The following NODAL variants were observed in gnomAD, a reference collection of about 807,000 sequenced individuals.
NODAL encodes nodal homolog.
In NODAL, 12 loss-of-function variants were observed where a neutral mutation model predicts 34.0. The observed-to-expected ratio is 0.35, with a 90% CI of 0.23 to 0.57. The LOEUF (loss-of-function observed/expected upper bound fraction) is 0.57. NODAL is among the 20% of genes least tolerant of loss of function. The probability of loss-of-function intolerance (pLI) is 0.83; values close to 1 mark genes in which losing one functional copy is unlikely to be tolerated. For missense variants in NODAL, 390 were observed against 444.2 expected, an observed-to-expected ratio of 0.88 and a Z score of 1.10; for synonymous variants, 162 against 186.4, an observed-to-expected ratio of 0.87 and a Z score of 1.07.
At chr10:70,443,673 C>T (rs536339715), upstream of NODAL, among the ~76,000 whole-genome samples, 10 of 152,094 alleles carry the variant, frequency 6.6e-5, no homozygotes, top group East Asian at 1.6e-3. Context: ...AACCCTGTCT[C>T]TACCAAAAAT....
chr10:70,437,451 A>G (rs1845371313), intron 1 of NODAL, among the ~76,000 whole-genome samples: 1 of 152,182 alleles, frequency 6.6e-6, no homozygotes, highest in Non-Finnish European at 1.5e-5. Context: ...CAACAAAAAC[A>G]ACAACAAACA....
upstream of NODAL, among the ~76,000 whole-genome samples, chr10:70,445,402 C>T (rs1371938303): frequency 1.3e-5 from 2 of 152,140 alleles, no homozygotes; most frequent in Non-Finnish European, 1.5e-5. Flanking sequence ...GGACTACAGG[C>T]GCCCCCCACC....
chr10:70,433,490 C>G (rs537367620), intron 2 of NODAL, among the ~76,000 whole-genome samples: 3 of 152,184 alleles, frequency 2.0e-5, no homozygotes, highest in Non-Finnish European at 4.4e-5. Flanking sequence ...TCACAGCTCA[C>G]TGCATCCTCA....
At chr10:70,444,395 T>G (rs1175267976), upstream of NODAL, among the ~76,000 whole-genome samples, 1 of 150,996 alleles carries the variant, frequency 6.6e-6, no homozygotes, top group Non-Finnish European at 1.5e-5. Flanking sequence ...AGTTACACAA[T>G]CTCGGTTCAT....
At chr10:70,438,097 C>T (rs993477423) in intron 1 of NODAL, among the ~76,000 whole-genome samples, 14 of 152,120 alleles carry the variant, frequency 9.2e-5, no homozygotes, top group Admixed American at 3.3e-4. Context: ...CGAGACCAGC[C>T]TGATCAACAT....
At position 70,441,515 on chromosome 10, in the gene NODAL, C is replaced by T; in HGVS notation, c.153G>A (p.Pro51=). ...TGCGGATGATGTCTGCCCTCGGCAG[C>T]GGGTCGCGGTAGAGGCTCAGCATGT... ...LAYMLSLYRD[P]LPRADIIRSL... is the part of the protein sequence containing the mutation. The change falls in exon 1 of 3, where the codon CCG becomes CCA. Residue 51 remains proline, a synonymous_variant. Transcript: ENST00000287139. 6.3e-7 allele frequency: 1 copy of T among 1,594,676 alleles called. No individual in the cohort carries two copies. Among genetic ancestry groups the T allele is most frequent in the South Asian group, 1.1e-5 (1 of 88,234 alleles).
At chr10:70,435,235 C>A (rs1178612062) in intron 2 of NODAL, 51 bp downstream of exon 2, 3 of 1,477,406 alleles carry the variant, frequency 2.0e-6, no homozygotes, top group Admixed American at 3.9e-5. Flanking sequence ...AGAGCCCTGT[C>A]CCCCAAGGCC....
rs1845336348 is a variant in NODAL, at chr10:70,435,556, C to T, written c.621G>A (p.Leu207=). Residue 207 remains leucine, a synonymous_variant, in exon 2 of 3, where the codon CTG becomes CTA. Coordinates refer to ENST00000287139, the MANE Select transcript of NODAL (RefSeq NM_018055.5). The part of the protein sequence containing the change: ...YSNLSQEQRQ[L]GGSTLLWEAE... The stretch of plus-strand genomic sequence containing the variant: ...CTTCCCACAGCAAGGTGGACCCACC[C>T]AGCTGCCTCTGCTCCTGCGAGAGGT... 1 of 1,614,006 alleles carries T rather than the reference C, an allele frequency of 6.2e-7. No individual in the cohort carries two copies. The highest frequency in any genetic ancestry group is 1.7e-5 in the Admixed American group (1 of 60,004).
At chr10:70,434,749 A>T (rs1458505837) in intron 2 of NODAL, 1 of 161,960 alleles carries the variant, frequency 6.2e-6, no homozygotes, top group African/African-American at 2.4e-5. Context: ...GTGGCCCCAT[A>T]ATGCAGCCAA....
chr10:70,447,469 T>TA (rs1425245862), intron 1 of NODAL, among the ~76,000 whole-genome samples: 2 of 152,044 alleles, frequency 1.3e-5, no homozygotes, highest in Non-Finnish European at 2.9e-5. Flanking sequence ...AAGGATCGAT[T>TA]GAGACCAGGA....
intron 1 of NODAL, among the ~76,000 whole-genome samples, chr10:70,437,043 C>A (rs1845365659): frequency 6.6e-6 from 1 of 152,196 alleles, no homozygotes; most frequent in Admixed American, 6.6e-5. Flanking sequence ...GACAACCAAA[C>A]CCAAGCTGGA....
At chr10:70,436,187 A>T (rs1845351436) in intron 1 of NODAL, 1 of 615,232 alleles carries the variant, frequency 1.6e-6, no homozygotes, top group Non-Finnish European at 2.9e-6. Flanking sequence ...TGGTTAAAAG[A>T]TCTGACCAAG....
rs776625558 is a variant in NODAL, at chr10:70,441,575, C to T, written c.93G>A (p.Thr31=). ...AATVATALLR[T]RGQPSSPSPL... ...GGGATGGCGACGAGGGCTGCCCCCG[C>T]GTACGCAGGAGCGCAGTGGCCACCG... Residue 31 remains threonine (T), a synonymous_variant, in exon 1 of 3, where the codon ACG becomes ACA. Transcript: ENST00000287139. The T allele has an allele frequency of 6.4e-7, 1 of 1,571,378 alleles. No individual in the cohort carries two copies. The highest frequency in any genetic ancestry group is 8.6e-7 in the Non-Finnish European group (1 of 1,160,158).
intron 1 of NODAL, among the ~76,000 whole-genome samples, chr10:70,439,956 C>A (rs929453862): frequency 6.6e-6 from 1 of 152,224 alleles, no homozygotes; most frequent in Admixed American, 6.5e-5. Flanking sequence ...CCTGTAGTCT[C>A]AGTTACTCGG....
At chr10:70,436,643 G>A (rs1845359553) in intron 1 of NODAL, 1 of 153,380 alleles carries the variant, frequency 6.5e-6, no homozygotes, top group Non-Finnish European at 1.4e-5. Context: ...GAGCTCTCAG[G>A]GAGCCACAGG....
At chr10:70,436,353 C>G in intron 1 of NODAL, 1 of 337,464 alleles carries the variant, frequency 3.0e-6, no homozygotes, top group Non-Finnish European at 5.8e-6. Flanking sequence ...GCATCTCCCC[C>G]TCCCCTGTCT....
chr10:70,437,502 C>A (rs1030544303), intron 1 of NODAL, among the ~76,000 whole-genome samples: 1 of 152,250 alleles, frequency 6.6e-6, no homozygotes, highest in South Asian at 2.1e-4. Flanking sequence ...CTCTTCTTTG[C>A]GATGGGAATA....
At position 70,435,440 on chromosome 10, in the gene NODAL, A is replaced by G; in HGVS notation, c.737T>C (p.Leu246Pro). The G allele has an allele frequency of 6.2e-7, 1 of 1,614,190 alleles. No homozygotes were observed. The highest frequency in any genetic ancestry group is 8.5e-7 in the Non-Finnish European group (1 of 1,180,026). The change falls in exon 2 of 3, where the codon CTG becomes CCG. Residue 246 changes from leucine (L) to proline (P), a missense_variant. By Grantham distance (98) the Leu-to-Pro change is moderately conservative. Transcript: ENST00000287139. ...RRHHLPDRSQ[L>P]CRKVKFQVDF... is the part of the protein sequence containing the mutation. ...CACCTGGAACTTGACCTTCCGACAC[A>G]GTTGACTTCTGTCTGGCAAGTGATG...
At chr10:70,444,330 T>A (rs1845464998), upstream of NODAL, among the ~76,000 whole-genome samples, 1 of 2,888 alleles carries the variant, frequency 3.5e-4, no homozygotes, top group African/African-American at 6.9e-4. Flanking sequence ...CCAGTGATAC[T>A]TTTTTTTTTT....
Sources: gnomAD v4.1 joint callset for allele counts (sites outside exome capture counted in the v4.1 genomes callset) on GRCh38, gnomAD v4.1.1 for gene constraint, MANE v1.5 for transcripts, NCBI Gene and HGNC (gene_info 2026-07-23, HGNC 2026-07-21) for gene names.